MRAS: variants seen among roughly 807,000 people sequenced by gnomAD.
MRAS encodes the protein muscle RAS oncogene homolog, also known as ras-related protein M-Ras.
MRAS carries 4 observed loss-of-function variants against 20.9 expected under a neutral mutation model. The observed-to-expected ratio is 0.19, with a 90% CI of 0.09 to 0.44. MRAS has a LOEUF of 0.44. MRAS is among the 20% of genes least tolerant of loss of function. The pLI is 0.99. For missense variants in MRAS, 154 were observed against 277.5 expected (o/e 0.56, Z 3.16); for synonymous variants, 98 against 102.9 (o/e 0.95, Z 0.29).
chr3:138,387,383 C>A (rs1044058828), intron 2 of MRAS, among the ~76,000 whole-genome samples: 47 of 152,228 alleles, frequency 3.1e-4, no homozygotes, highest in Admixed American at 3.0e-3. Context: ...TCCTTTTAGA[C>A]CTGCTCTTGT....
intron 2 of MRAS, among the ~76,000 whole-genome samples, chr3:138,393,131 C>T (rs2055164449): frequency 6.6e-6 from 1 of 152,200 alleles, no homozygotes; most frequent in Non-Finnish European, 1.5e-5. Context: ...TTATTTTTTC[C>T]TGGCTCCTAC....
chr3:138,366,993 G>A (rs1425339186), intron 1 of MRAS, among the ~76,000 whole-genome samples: 4 of 152,338 alleles, frequency 2.6e-5, no homozygotes, highest in Non-Finnish European at 5.9e-5. Context: ...AACAAGCTCT[G>A]TAGAAGCCCT....
chr3:138,384,000 CTCAG>C (rs1342308932), intron 2 of MRAS, among the ~76,000 whole-genome samples: 5 of 152,146 alleles, frequency 3.3e-5, no homozygotes, highest in Non-Finnish European at 7.4e-5. Flanking sequence ...GGAAGAGAAT[CTCAG>C]TCAGTGGGAG....
intron 4 of MRAS, 56 bp from the exon 5 acceptor site, chr3:138,400,478 A>C (rs2055336242): frequency 1.3e-6 from 2 of 1,512,802 alleles, no homozygotes; most frequent in East Asian, 4.5e-5. Flanking sequence ...TTAAGGGTGT[A>C]ACAGGGCTTT....
At chr3:138,351,632 C>A (rs1218800349) in intron 1 of MRAS, among the ~76,000 whole-genome samples, 1 of 152,108 alleles carries the variant, frequency 6.6e-6, no homozygotes, top group Non-Finnish European at 1.5e-5. Context: ...GTAACAAAAC[C>A]CAAATAACAG....
chr3:138,366,176 T>C (rs1174251958), intron 1 of MRAS, among the ~76,000 whole-genome samples: 1 of 152,214 alleles, frequency 6.6e-6, no homozygotes, highest in Non-Finnish European at 1.5e-5. Context: ...TTCTGGGAAT[T>C]GTGCAGAAGG....
At chr3:138,348,136 GAAGGGAATGCAGCT>G (rs1220155589), upstream of MRAS, 1 of 152,310 alleles carries the variant, frequency 6.6e-6, no homozygotes, top group East Asian at 1.9e-4. Flanking sequence ...CTCAGGATTC[GAAGGGAATGCAGCT>G]AAGGTGGCGG....
At chr3:138,372,530 G>A (rs542311290) in intron 1 of MRAS, among the ~76,000 whole-genome samples, 18 of 152,128 alleles carry the variant, frequency 1.2e-4, no homozygotes, top group Non-Finnish European at 1.9e-4. Flanking sequence ...CACTGCCCTC[G>A]TGTTAACCTG....
chr3:138,399,972 G>C (rs1576391442), intron 4 of MRAS, among the ~76,000 whole-genome samples: 1 of 152,202 alleles, frequency 6.6e-6, no homozygotes, highest in Non-Finnish European at 1.5e-5. Flanking sequence ...ACCATTGAAC[G>C]TGCAGACAAA....
Position 138,398,664 on chromosome 3 carries a change from G to A in MRAS, c.447+96G>A, listed in dbSNP as rs918221480. 2.4e-5 allele frequency: 25 copies of A among 1,042,118 alleles called. No homozygotes were observed. In the South Asian group the frequency reaches 2.9e-4, roughly 12 times the overall value. 64.6% of individuals were successfully genotyped at this position (1,042,118 alleles called of 1,614,324 possible). A position where few individuals can be genotyped will look rare whatever the true frequency, so the allele number is the denominator to read the frequency against. Reference sequence around the variant, plus strand: ...CCTGGTCTTTGGAAATGAAACTACTGTTTATTGAAGGGCTCCCCTTAGTTT... The same window carrying A: ...CCTGGTCTTTGGAAATGAAACTACTATTTATTGAAGGGCTCCCCTTAGTTT... On this transcript the variant is annotated intron_variant, in intron 4 of 5. Coordinates refer to ENST00000423968, the MANE Select transcript of MRAS (RefSeq NM_001085049.3).
chr3:138,378,752 A>G (rs1312337546), intron 2 of MRAS, among the ~76,000 whole-genome samples: 1 of 152,144 alleles, frequency 6.6e-6, no homozygotes, highest in Non-Finnish European at 1.5e-5. Context: ...AAAAGTTACC[A>G]TCTTAACCAT....
chr3:138,350,248 C>T (rs1189262012), intron 1 of MRAS: 2 of 152,206 alleles, frequency 1.3e-5, no homozygotes, highest in Non-Finnish European at 2.9e-5. Context: ...ATTTTGTAAA[C>T]CTCCTAATTT....
At chr3:138,368,794 C>A (rs1283512629) in intron 1 of MRAS, among the ~76,000 whole-genome samples, 1 of 152,158 alleles carries the variant, frequency 6.6e-6, no homozygotes, top group African/African-American at 2.4e-5. Flanking sequence ...TTAAAAAAAT[C>A]TTTCTCTGTA....
intron 1 of MRAS, chr3:138,350,269 A>C (rs1192900755): frequency 6.6e-6 from 1 of 152,208 alleles, no homozygotes; most frequent in Non-Finnish European, 1.5e-5. Flanking sequence ...CCTGTAAATC[A>C]CATGTCCCTG....
chr3:138,368,239 C>T (rs1324595431), intron 1 of MRAS, among the ~76,000 whole-genome samples: 1 of 152,170 alleles, frequency 6.6e-6, no homozygotes, highest in Admixed American at 6.5e-5. Flanking sequence ...TGAGGCTTCT[C>T]ATGCTGAGAG....
In MRAS at chr3:138,402,358, A is replaced by T; in HGVS notation, c.*89A>T. 5.3e-6 allele frequency: 6 copies of T among 1,127,872 alleles called. No individual in the cohort carries two copies. Among genetic ancestry groups the T allele is most frequent in the Non-Finnish European group, 7.8e-6 (6 of 767,226 alleles). The allele number at this position is 1,127,872 out of a possible 1,614,324, so 69.9% of individuals were successfully genotyped here. A position where few individuals can be genotyped will look rare whatever the true frequency, so the allele number is the denominator to read the frequency against. ...AACTGCACTGAAACCATTTCTAACCACAACCCTTGGCCCAAGGACTTGGTA... is the reference window on the plus strand; with the variant it reads ...AACTGCACTGAAACCATTTCTAACCTCAACCCTTGGCCCAAGGACTTGGTA... On this transcript the variant is annotated 3_prime_UTR_variant, in exon 6 of 6. Coordinates refer to ENST00000423968, the MANE Select transcript of MRAS (RefSeq NM_001085049.3).
chr3:138,354,660 G>A (rs2054294240), intron 1 of MRAS, among the ~76,000 whole-genome samples: 1 of 152,228 alleles, frequency 6.6e-6, no homozygotes, highest in Admixed American at 6.5e-5. Context: ...TAGCCAAGCT[G>A]TAGAGCATGG....
At chr3:138,400,133 C>T (rs572971463) in intron 4 of MRAS, 9 of 166,180 alleles carry the variant, frequency 5.4e-5, no homozygotes, top group African/African-American at 1.9e-4. Flanking sequence ...TTTTCTACCA[C>T]GTCCACTCTG....
rs547980329 is a variant in MRAS at position 138,400,038 on chromosome 3, G to T, written c.448-496G>T. ...GCTCATAGATACAGATCAAACAAGA[G>T]CTGGGATGAGGTGGGGGCCAGCTCC... On this transcript the variant is annotated intron_variant, in intron 4 of 5. Coordinates refer to ENST00000423968, the MANE Select transcript of MRAS (RefSeq NM_001085049.3). Among the ~76,000 whole-genome samples the T allele has an allele frequency of 7.5e-4, 114 of 152,314 alleles. 2 individuals carry two copies. The South Asian group carries it at 0.023, about 31-fold the overall frequency.
Sources: gnomAD v4.1 joint callset for allele counts (sites outside exome capture counted in the v4.1 genomes callset) on GRCh38, gnomAD v4.1.1 for gene constraint, MANE v1.5 for transcripts, NCBI Gene and HGNC (gene_info 2026-07-23, HGNC 2026-07-21) for gene names.